Variants in EIF2A observed in about 807,000 individuals in gnomAD.
EIF2A encodes eukaryotic translation initiation factor 2A, also known as 65 kDa eukaryotic translation initiation factor 2A.
Under a neutral mutation model 75.2 loss-of-function variants are expected in EIF2A, and 62 were observed. The ratio of observed to expected loss-of-function variants is 0.82; its 90% CI spans 0.67 to 1.02. The LOEUF (loss-of-function observed/expected upper bound fraction) is 1.02, where lower values mean the gene tolerates loss of function less well. EIF2A is among the 50% of genes least tolerant of loss of function. EIF2A has a pLI of 0.00. For missense variants in EIF2A, 611 were observed against 677.7 expected (o/e 0.90, Z 1.09); for synonymous variants, 207 against 239.0 (o/e 0.87, Z 1.23).
intron 6 of EIF2A, chr3:150,565,215 G>A (rs1221183193): frequency 2.2e-6 from 1 of 456,606 alleles, no homozygotes; most frequent in Non-Finnish European, 4.4e-6. Context: ...TCAGCTTCAG[G>A]TTCTTTTTTA....
Position 150,585,018 on chromosome 3 carries a change from A to G in EIF2A, c.*1107A>G, listed in dbSNP as rs934359157. ...TATACATACACATACACTTAAAAAA[A>G]AAAGATGGCATATACTAACTGTTCT... is the stretch of plus-strand genomic sequence containing the variant. On this transcript the variant is annotated 3_prime_UTR_variant, in exon 14 of 14. Coordinates refer to ENST00000460851, the MANE Select transcript of EIF2A (RefSeq NM_032025.5). Among the ~76,000 whole-genome samples, 1 of 152,114 alleles carries G rather than the reference A, an allele frequency of 6.6e-6. No homozygotes were observed. Among genetic ancestry groups the G allele is most frequent in the Non-Finnish European group, 1.5e-5 (1 of 68,016 alleles).
chr3:150,563,900 C>T (rs1483270595), intron 5 of EIF2A, among the ~76,000 whole-genome samples: 2 of 152,188 alleles, frequency 1.3e-5, no homozygotes. Context: ...TCACGGCAAC[C>T]TCTGCCTTCT....
At chr3:150,573,300 T>C (rs1576602536) in intron 10 of EIF2A, among the ~76,000 whole-genome samples, 1 of 152,356 alleles carries the variant, frequency 6.6e-6, no homozygotes, top group East Asian at 1.9e-4. Flanking sequence ...TCATCGAGGC[T>C]GGAGTGCAGT....
At chr3:150,555,890 AAT>A (rs1723539639) in intron 2 of EIF2A, among the ~76,000 whole-genome samples, 1 of 152,158 alleles carries the variant, frequency 6.6e-6, no homozygotes, top group Non-Finnish European at 1.5e-5. Flanking sequence ...AAATCCACAA[AAT>A]ATAGCCAACT....
chr3:150,566,506 GC>G (rs1724190493), intron 6 of EIF2A: 1 of 151,694 alleles, frequency 6.6e-6, no homozygotes, highest in Non-Finnish European at 1.5e-5. Flanking sequence ...TTGTTTCTAG[GC>G]CTTTTTTTTC....
intron 2 of EIF2A, among the ~76,000 whole-genome samples, chr3:150,555,469 G>A (rs1723510997): frequency 6.6e-6 from 1 of 151,622 alleles, no homozygotes; most frequent in Non-Finnish European, 1.5e-5. Flanking sequence ...TGTTGGCCAG[G>A]CTGGTCTCGA....
intron 3 of EIF2A, among the ~76,000 whole-genome samples, chr3:150,559,619 T>C (rs1723745420): frequency 6.6e-6 from 1 of 150,868 alleles, no homozygotes; most frequent in Admixed American, 6.7e-5. Flanking sequence ...GCCTCCCCAG[T>C]AGCTGAGACT....
chr3:150,563,852 C>G (rs936916837), intron 5 of EIF2A, among the ~76,000 whole-genome samples: 1 of 152,130 alleles, frequency 6.6e-6, no homozygotes, highest in Non-Finnish European at 1.5e-5. Flanking sequence ...GAGTCTCGCT[C>G]TGTCACCCAG....
At position 150,584,936 on chromosome 3, in the gene EIF2A, A is replaced by C. The variant is rs777088608; in HGVS notation, c.*1025A>C. On this transcript the variant is annotated 3_prime_UTR_variant, in exon 14 of 14. Coordinates refer to ENST00000460851, the MANE Select transcript of EIF2A (RefSeq NM_032025.5). ...TGAAAATTAAGTCTGTTCCACTACC[A>C]CATTTTCCAGTTTTTTGTGTATCTT... Among the ~76,000 whole-genome samples, 6 of 151,860 alleles carry C rather than the reference A, an allele frequency of 4.0e-5. No homozygotes were observed. The highest frequency in any genetic ancestry group is 8.8e-5 in the Non-Finnish European group (6 of 67,970).
intron 11 of EIF2A, among the ~76,000 whole-genome samples, chr3:150,577,099 G>A (rs555395216): frequency 4.6e-5 from 7 of 152,290 alleles, no homozygotes; most frequent in African/African-American, 7.2e-5. Context: ...GTGAGAACCC[G>A]TTCATCATAG....
chr3:150,550,393 A>G (rs1431967037), intron 1 of EIF2A, among the ~76,000 whole-genome samples: 1 of 152,160 alleles, frequency 6.6e-6, no homozygotes, highest in Non-Finnish European at 1.5e-5. Flanking sequence ...TTTTGCTTTT[A>G]TTAGTTTAAA....
chr3:150,575,019 G>A (rs1035010595), intron 10 of EIF2A, among the ~76,000 whole-genome samples: 1 of 152,174 alleles, frequency 6.6e-6, no homozygotes, highest in African/African-American at 2.4e-5. Flanking sequence ...GTGGAATATA[G>A]TTGTTACATG....
intron 2 of EIF2A, among the ~76,000 whole-genome samples, chr3:150,554,571 C>T (rs890763109): frequency 2.6e-5 from 4 of 152,166 alleles, no homozygotes; most frequent in African/African-American, 7.2e-5. Flanking sequence ...ATTAGATCAG[C>T]GGTAGGGCCC....
In EIF2A at chr3:150,562,968, A is replaced by C. The variant is rs542990068; in HGVS notation, c.292+308A>C. 1.4e-3 allele frequency: 285 copies of C among 204,362 alleles called. 2 individuals carry two copies. The highest frequency in any genetic ancestry group is 6.4e-3 in the African/African-American group (274 of 42,760). The allele number at this position is 204,362 out of a possible 1,614,324, so 12.7% of individuals were successfully genotyped here. A position where few individuals can be genotyped will look rare whatever the true frequency, so the allele number is the denominator to read the frequency against. On this transcript the variant is annotated intron_variant, in intron 4 of 13. Coordinates refer to ENST00000460851, the MANE Select transcript of EIF2A (RefSeq NM_032025.5). ...TAGAGATTTCTGAAGATTAAGAATA[A>C]TAATGACTTTTAAAATCAAGACTTT...
At chr3:150,581,793 A>G (rs1355165571) in intron 12 of EIF2A, 47 bp downstream of exon 12, 1 of 1,547,936 alleles carries the variant, frequency 6.5e-7, no homozygotes, top group African/African-American at 1.4e-5. Context: ...TATACATGAA[A>G]ATTATATAAG....
chr3:150,555,709 C>T (rs1263373872), intron 2 of EIF2A, among the ~76,000 whole-genome samples: 2 of 151,318 alleles, frequency 1.3e-5, no homozygotes, highest in Non-Finnish European at 2.9e-5. Context: ...GGCAGTATGG[C>T]AAAACCCCAT....
chr3:150,555,831 A>C (rs1723535816), intron 2 of EIF2A, among the ~76,000 whole-genome samples: 1 of 152,128 alleles, frequency 6.6e-6, no homozygotes. Context: ...GGGAAATGAG[A>C]CAGGGAAGGA....
chr3:150,572,191 T>C lies in EIF2A; in HGVS notation c.1045T>C (p.Tyr349His). 6.2e-7 allele frequency: 1 copy of C among 1,613,972 alleles called. No homozygotes were observed. The highest frequency in any genetic ancestry group is 8.5e-7 in the Non-Finnish European group (1 of 1,179,870). ...AATGGAAGTGTGGGATGTGAAAAAC[T>C]ACAAACTTATTTCTAAACCGGTGGC... ...GQMEVWDVKN[Y>H]KLISKPVASD... Residue 349 changes from tyrosine (Y) to histidine (H), a missense_variant, in exon 10 of 14, where the codon TAC becomes CAC. Tyr to His is a moderately conservative substitution (Grantham distance 83). Transcript: ENST00000460851.
chr3:150,581,731 CAAG>C lies in EIF2A; in HGVS notation c.1614_1616del (p.Lys538del). ...GGGACCCTGAGATAGACAAAAAAAT[CAAG>C]AACCTAAAGAAGGTGAGAGACTTAA... On this transcript the variant is annotated inframe_deletion, in exon 12 of 14. Coordinates refer to ENST00000460851, the MANE Select transcript of EIF2A (RefSeq NM_032025.5). 1 of 1,558,324 alleles carries C rather than the reference CAAG, an allele frequency of 6.4e-7. No individual in the cohort carries two copies. Among genetic ancestry groups the C allele is most frequent in the Non-Finnish European group, 8.7e-7 (1 of 1,150,504 alleles).
Sources: allele counts gnomAD v4.1 joint callset (sites outside exome capture counted in the v4.1 genomes callset), GRCh38; gene constraint gnomAD v4.1.1; transcripts MANE v1.5; gene names NCBI Gene and HGNC (gene_info 2026-07-23, HGNC 2026-07-21).